Variants in CLSTN2 observed in about 807,000 individuals in gnomAD.
CLSTN2 encodes calsyntenin 2, also known as calsyntenin-2.
Under a neutral mutation model 101.2 loss-of-function variants are expected in CLSTN2, and 48 were observed. The observed-to-expected ratio is 0.47, with a 90% confidence interval of 0.38 to 0.60. The LOEUF is 0.60. Among genes scored for constraint, CLSTN2 ranks in the 20% least tolerant of loss-of-function variants. CLSTN2 has a pLI of 0.00. For synonymous variants in CLSTN2, 481 were observed against 463.6 expected, an observed-to-expected ratio of 1.04 and a Z score of -0.48; for missense variants, 1,160 against 1,238.2, an observed-to-expected ratio of 0.94 and a Z score of 0.95.
At chr3:140,564,232 T>C (rs1935988443) in intron 16 of CLSTN2, 87 bp downstream of exon 16, 2 of 1,220,300 alleles carry the variant, frequency 1.6e-6, no homozygotes, top group Admixed American at 1.9e-5. Flanking sequence ...AGCAGCCCCA[T>C]ACCCCCTCCT....
chr3:140,551,552 T>G (rs954713610), intron 10 of CLSTN2, among the ~76,000 whole-genome samples: 23 of 152,096 alleles, frequency 1.5e-4, no homozygotes, highest in Admixed American at 3.9e-4. Context: ...AACTAGACAC[T>G]CCTAGGTTCA....
intron 2 of CLSTN2, among the ~76,000 whole-genome samples, chr3:140,190,438 C>CAAA (rs35206840): frequency 4.7e-3 from 378 of 80,718 alleles, no homozygotes; most frequent in East Asian, 6.3e-3. Context: ...TCTATAGCTA[C>CAAA]AAAAAAAAAA....
intron 1 of CLSTN2, among the ~76,000 whole-genome samples, chr3:140,159,064 A>G (rs9878323): frequency 0.68 from 103,675 of 152,054 alleles, 39,690 homozygotes; most frequent in East Asian, 0.91. Flanking sequence ...TGAAGCCTCA[A>G]ACTATGAAAA....
chr3:140,089,944 C>T (rs1277276395), intron 1 of CLSTN2, among the ~76,000 whole-genome samples: 1 of 134,874 alleles, frequency 7.4e-6, no homozygotes, highest in East Asian at 2.4e-4. Flanking sequence ...CTGAGAGGGG[C>T]TCCTGGCTGA....
intron 2 of CLSTN2, among the ~76,000 whole-genome samples, chr3:140,347,491 C>G (rs2087560989): frequency 6.6e-6 from 1 of 152,230 alleles, no homozygotes; most frequent in South Asian, 2.1e-4. Flanking sequence ...GTTTTCTGAG[C>G]AGGCAAATTC....
intron 2 of CLSTN2, among the ~76,000 whole-genome samples, chr3:140,401,471 A>T (rs2088240905): frequency 6.6e-6 from 1 of 152,142 alleles, no homozygotes; most frequent in South Asian, 2.1e-4. Context: ...TGTCACCTAA[A>T]CTTTATCTTG....
At chr3:140,173,839 G>C (rs976720585) in intron 1 of CLSTN2, among the ~76,000 whole-genome samples, 6 of 152,262 alleles carry the variant, frequency 3.9e-5, no homozygotes, top group African/African-American at 1.4e-4. Context: ...AAGTCCCTAG[G>C]CTGCACACAG....
At chr3:140,233,716 G>T (rs1439031447) in intron 2 of CLSTN2, among the ~76,000 whole-genome samples, 4 of 152,150 alleles carry the variant, frequency 2.6e-5, no homozygotes, top group African/African-American at 9.7e-5. Context: ...AGTATCCAAA[G>T]CTTCCTTGCC....
chr3:140,503,118 C>T (rs1205398058), intron 8 of CLSTN2, among the ~76,000 whole-genome samples: 4 of 152,152 alleles, frequency 2.6e-5, no homozygotes, highest in Admixed American at 1.3e-4. Context: ...GTCTGGCTCT[C>T]CTGCCTCCCT....
At chr3:140,171,201 C>T (rs1269252400) in intron 1 of CLSTN2, among the ~76,000 whole-genome samples, 1 of 152,032 alleles carries the variant, frequency 6.6e-6, no homozygotes, top group Non-Finnish European at 1.5e-5. Flanking sequence ...TTCCAGGGTC[C>T]ATAATGAAGC....
chr3:140,209,997 G>A (rs959240345), intron 2 of CLSTN2, among the ~76,000 whole-genome samples: 2 of 152,206 alleles, frequency 1.3e-5, no homozygotes, highest in African/African-American at 2.4e-5. Flanking sequence ...TGTACTAAAT[G>A]CTGAGGTTAC....
chr3:140,418,977 C>T (rs1369505608), intron 4 of CLSTN2, among the ~76,000 whole-genome samples: 1 of 151,886 alleles, frequency 6.6e-6, no homozygotes, highest in Non-Finnish European at 1.5e-5. Flanking sequence ...AGCACCTGCT[C>T]ATGGCCTGGG....
chr3:140,089,580 T>TTTTA (rs71627875), intron 1 of CLSTN2, among the ~76,000 whole-genome samples: 9,637 of 145,952 alleles, frequency 0.066, 354 homozygotes, highest in Non-Finnish European at 0.076. Flanking sequence ...TTTCAGCTGG[T>TTTTA]TTTATTTATT....
chr3:140,084,184 A>T (rs1015172294), intron 1 of CLSTN2, among the ~76,000 whole-genome samples: 2 of 152,254 alleles, frequency 1.3e-5, no homozygotes, highest in Admixed American at 6.5e-5. Context: ...ATGCATGTAC[A>T]TCTCCCGTGT....
intron 1 of CLSTN2, among the ~76,000 whole-genome samples, chr3:140,171,909 T>C: frequency 8.0e-6 from 1 of 125,072 alleles, no homozygotes; most frequent in Non-Finnish European, 1.6e-5. Context: ...TTATATATTA[T>C]GTGTGTGTGT....
intron 2 of CLSTN2, among the ~76,000 whole-genome samples, chr3:140,286,575 C>G (rs780989146): frequency 1.3e-5 from 2 of 152,156 alleles, no homozygotes; most frequent in African/African-American, 4.8e-5. Flanking sequence ...ACCATAGATA[C>G]GATGTATACC....
intron 2 of CLSTN2, among the ~76,000 whole-genome samples, chr3:140,389,730 A>C (rs1342533870): frequency 6.6e-6 from 1 of 152,148 alleles, no homozygotes; most frequent in African/African-American, 2.4e-5. Context: ...CAGTGGTTGG[A>C]CTGATTTATA....
intron 2 of CLSTN2, among the ~76,000 whole-genome samples, chr3:140,300,293 C>T (rs1443676112): frequency 6.6e-6 from 1 of 152,192 alleles, no homozygotes; most frequent in Non-Finnish European, 1.5e-5. Context: ...ACAGGTCTTG[C>T]TGGTTCTTTG....
chr3:140,263,538 T>TG (rs2086671429), intron 2 of CLSTN2, among the ~76,000 whole-genome samples: 1 of 152,166 alleles, frequency 6.6e-6, no homozygotes, highest in African/African-American at 2.4e-5. Flanking sequence ...GCTTCATCTG[T>TG]GAAAAACAGG....
Sources: gnomAD v4.1 joint callset for allele counts (sites outside exome capture counted in the v4.1 genomes callset) on GRCh38, gnomAD v4.1.1 for gene constraint, MANE v1.5 for transcripts, NCBI Gene and HGNC (gene_info 2026-07-23, HGNC 2026-07-21) for gene names.